The following MAN1C1 variants were observed in gnomAD, a reference collection of about 807,000 sequenced individuals.
MAN1C1 encodes the protein mannosidase alpha class 1C member 1.
Under a neutral mutation model 71.5 loss-of-function variants are expected in MAN1C1, and 49 were observed. The ratio of observed to expected loss-of-function variants is 0.69; its 90% CI spans 0.54 to 0.87. The LOEUF (loss-of-function observed/expected upper bound fraction) is 0.87. Ranked by LOEUF, MAN1C1 falls within the 40% of genes least tolerant of loss-of-function variation. The pLI is 0.00. For synonymous variants in MAN1C1, 352 were observed against 343.7 expected (o/e 1.02, Z -0.27); for missense variants, 743 against 835.0 (o/e 0.89, Z 1.36).
At chr1:25,707,004 GAC>G (rs1228690400) in intron 2 of MAN1C1, among the ~76,000 whole-genome samples, 1 of 152,256 alleles carries the variant, frequency 6.6e-6, no homozygotes, top group Non-Finnish European at 1.5e-5. Context: ...CAGCAGAAGA[GAC>G]AGAATGGGGA....
At position 25,753,708 on chromosome 1, in the gene MAN1C1, G is replaced by GT; in HGVS notation, c.929+130_929+131insT. ...GGCAAGCAGGAGGGGGGACCCTTGG[G>GT]ACCACCTCTGTTGAACCCGTTCTTT... is the stretch of plus-strand genomic sequence containing the variant. On this transcript the variant is annotated intron_variant, in intron 5 of 11. Coordinates refer to ENST00000374332, the MANE Select transcript of MAN1C1 (RefSeq NM_020379.4). The surrounding 1 kb of genome is among the most constrained non-coding windows in gnomAD (Gnocchi z 4.9). 1.4e-6 allele frequency: 1 copy of GT among 697,888 alleles called. No homozygotes were observed. Among genetic ancestry groups the GT allele is most frequent in the Non-Finnish European group, 2.4e-6 (1 of 413,148 alleles). The allele number at this position is 697,888 out of a possible 1,614,324, so 43.2% of individuals were successfully genotyped here.
At chr1:25,667,423 T>C (rs2045938675) in intron 1 of MAN1C1, among the ~76,000 whole-genome samples, 1 of 137,618 alleles carries the variant, frequency 7.3e-6, no homozygotes, top group Non-Finnish European at 1.5e-5. Flanking sequence ...GGCTGGAAGT[T>C]ACAGTGAACC....
At chr1:25,689,846 C>T (rs2046282962) in intron 2 of MAN1C1, among the ~76,000 whole-genome samples, 3 of 152,188 alleles carry the variant, frequency 2.0e-5, no homozygotes, top group South Asian at 4.1e-4. Flanking sequence ...AGCAGCGCCC[C>T]GCCTCCTGGT....
intron 2 of MAN1C1, among the ~76,000 whole-genome samples, chr1:25,717,558 G>A (rs1328932216): frequency 1.3e-5 from 2 of 151,078 alleles, no homozygotes; most frequent in Non-Finnish European, 2.9e-5. Context: ...CTTTTTCAAA[G>A]CAGATGTACC....
chr1:25,628,032 G>C (rs867626920), intron 1 of MAN1C1, among the ~76,000 whole-genome samples: 1 of 152,130 alleles, frequency 6.6e-6, no homozygotes, highest in Non-Finnish European at 1.5e-5. Context: ...GGGTGACAGA[G>C]TGAGGCACTG....
chr1:25,762,447 T>C (rs1467765531), intron 6 of MAN1C1, among the ~76,000 whole-genome samples: 2 of 3,898 alleles, frequency 5.1e-4, no homozygotes, highest in Non-Finnish European at 8.1e-4. Context: ...TTTTCTTTTC[T>C]TTTTTTTTTT....
At chr1:25,766,348 G>GTT (rs61300222) in intron 7 of MAN1C1, among the ~76,000 whole-genome samples, 5 of 147,734 alleles carry the variant, frequency 3.4e-5, no homozygotes, top group African/African-American at 1.2e-4. Context: ...TTTTTTGTTG[G>GTT]TTTTTTTTTT....
At chr1:25,637,120 A>G (rs757826631) in intron 1 of MAN1C1, among the ~76,000 whole-genome samples, 1 of 152,060 alleles carries the variant, frequency 6.6e-6, no homozygotes, top group Non-Finnish European at 1.5e-5. Flanking sequence ...GCGCCACTGC[A>G]CTCCAGCCTG....
chr1:25,675,923 G>T (rs1352367101), intron 1 of MAN1C1, among the ~76,000 whole-genome samples: 3 of 152,210 alleles, frequency 2.0e-5, no homozygotes, highest in Non-Finnish European at 2.9e-5. Context: ...CCAGTAAGGT[G>T]GCAGAGCCCT....
intron 1 of MAN1C1, among the ~76,000 whole-genome samples, chr1:25,624,416 GC>G (rs1557737798): frequency 6.6e-6 from 1 of 152,116 alleles, no homozygotes; most frequent in African/African-American, 2.4e-5. Flanking sequence ...CCCCTAGAAG[GC>G]TGTTGCCTAA....
At position 25,746,171 on chromosome 1, in the gene MAN1C1, G is replaced by T. The variant is rs897622847; in HGVS notation, c.638-497G>T. 6.7e-6 allele frequency among the ~76,000 whole-genome samples: 1 copy of T among 149,640 alleles called. No individual in the cohort carries two copies. The highest frequency in any genetic ancestry group is 6.6e-5 in the Admixed American group (1 of 15,058). The stretch of plus-strand genomic sequence containing the variant: ...AATACAAAAATTATCTGGGCGTGGT[G>T]GTGGACACCTGTGGTCCCAGCTACT... On this transcript the variant is annotated intron_variant, in intron 2 of 11. Transcript: ENST00000374332. The surrounding 1 kb of genome is among the most constrained non-coding windows in gnomAD (Gnocchi z 4.0).
intron 2 of MAN1C1, among the ~76,000 whole-genome samples, chr1:25,699,612 TGATCCCCATCACA>T (rs1380777899): frequency 6.6e-6 from 1 of 152,212 alleles, no homozygotes; most frequent in African/African-American, 2.4e-5. Context: ...AGATGAGGCC[TGATCCCCATCACA>T]GAGCGTGGGC....
At chr1:25,689,466 G>A (rs1456571271) in intron 2 of MAN1C1, among the ~76,000 whole-genome samples, 1 of 152,184 alleles carries the variant, frequency 6.6e-6, no homozygotes, top group Non-Finnish European at 1.5e-5. Flanking sequence ...GAACCTGTTC[G>A]TAGGTAGTAG....
intron 2 of MAN1C1, chr1:25,709,455 TG>T (rs2046573129): frequency 6.6e-6 from 1 of 152,290 alleles, no homozygotes; most frequent in African/African-American, 2.4e-5. Flanking sequence ...ACCAGTGTTC[TG>T]GGAGGCAGGC....
At chr1:25,693,354 G>A (rs2046331510) in intron 2 of MAN1C1, among the ~76,000 whole-genome samples, 1 of 152,190 alleles carries the variant, frequency 6.6e-6, no homozygotes, top group Admixed American at 6.5e-5. Flanking sequence ...CGTTGGCTGG[G>A]TCCAGTGGTC....
At chr1:25,733,806 TTA>T (rs1405307002) in intron 2 of MAN1C1, among the ~76,000 whole-genome samples, 14 of 151,552 alleles carry the variant, frequency 9.2e-5, no homozygotes, top group African/African-American at 3.4e-4. Flanking sequence ...ATTTTTATTT[TTA>T]TTTTTTTTTG....
chr1:25,781,010 G>C lies in MAN1C1; in HGVS notation c.1548G>C (p.Glu516Asp). The change falls in exon 10 of 12, where the codon GAG (glutamate) becomes GAC (aspartate). Residue 516 changes from glutamate (E) to aspartate (D), a missense_variant. Coordinates refer to ENST00000374332, the MANE Select transcript of MAN1C1 (RefSeq NM_020379.4). ...AGGCCGTGGCCACCCAGCTGAGCGA[G>C]AGCTACTACATCCTCCGGCCAGAGG... ...GREAVATQLS[E>D]SYYILRPEVV... 1 of 1,614,172 alleles carries C rather than the reference G, an allele frequency of 6.2e-7. No individual in the cohort carries two copies.
chr1:25,766,554 C>G (rs561717403), intron 7 of MAN1C1, among the ~76,000 whole-genome samples: 1 of 152,298 alleles, frequency 6.6e-6, no homozygotes, highest in South Asian at 2.1e-4. Context: ...ATCTCAGTTA[C>G]CTAGGCCTCT....
intron 2 of MAN1C1, among the ~76,000 whole-genome samples, chr1:25,699,252 A>G (rs1052626552): frequency 6.6e-6 from 1 of 151,258 alleles, no homozygotes; most frequent in African/African-American, 2.4e-5. Flanking sequence ...GTGAGCTGAG[A>G]TTGCGCCATT....
Sources: allele counts gnomAD v4.1 joint callset (sites outside exome capture counted in the v4.1 genomes callset), GRCh38; gene constraint gnomAD v4.1.1; non-coding constraint Gnocchi (gnomAD v3.1); transcripts MANE v1.5; gene names NCBI Gene and HGNC (gene_info 2026-07-23, HGNC 2026-07-21).